The following MAP1LC3A variants were observed in gnomAD, a reference collection of about 807,000 sequenced individuals.
The protein encoded by MAP1LC3A is microtubule-associated protein 1 light chain 3 alpha.
In MAP1LC3A, 10 loss-of-function variants were observed where a neutral mutation model predicts 15.2. That is an observed-to-expected ratio of 0.66 (90% confidence interval 0.41 to 1.12). The LOEUF is 1.12. MAP1LC3A is among the 50% of genes most tolerant of loss of function. MAP1LC3A has a pLI of 0.00. For synonymous variants in MAP1LC3A, 63 were observed against 64.3 expected, an observed-to-expected ratio of 0.98 and a Z score of 0.10; for missense variants, 138 against 167.3, an observed-to-expected ratio of 0.82 and a Z score of 0.97.
chr20:34,559,646 G>A (rs763517284), intron 3 of MAP1LC3A, 90 bp from the exon 4 acceptor site: 9 of 1,420,426 alleles, frequency 6.3e-6, no homozygotes, highest in East Asian at 2.3e-5. Context: ...GAGAATGGGT[G>A]TGAAAGGCTG....
chr20:34,557,029 T>C (rs1365981127), upstream of MAP1LC3A, among the ~76,000 whole-genome samples: 1 of 152,212 alleles, frequency 6.6e-6, no homozygotes, highest in African/African-American at 2.4e-5. Context: ...TGAAGGCCTA[T>C]TTTGTCTGAG....
At chr20:34,549,843 G>C (rs879128477) in intron 1 of MAP1LC3A, 29 of 702,226 alleles carry the variant, frequency 4.1e-5, no homozygotes, top group East Asian at 1.9e-4. Flanking sequence ...CTTCAATCTC[G>C]TCCAGAGTCA....
upstream of MAP1LC3A, chr20:34,558,397 C>T (rs921002423): frequency 2.0e-6 from 2 of 989,966 alleles, no homozygotes; most frequent in Non-Finnish European, 2.4e-6. This position sits in a 1 kb window ranked among gnomAD's most constrained non-coding sequence, Gnocchi z 4.3. Context: ...CCCAGAACCG[C>T]GTCAGTCCTG....
chr20:34,559,519 G>T (rs1982342876), intron 3 of MAP1LC3A, 66 bp downstream of exon 3: 2 of 1,459,556 alleles, frequency 1.4e-6, no homozygotes, highest in Non-Finnish European at 9.5e-7. Flanking sequence ...CCGCCGAGAA[G>T]GGGTGGGAGT....
chr20:34,558,352 C>T, upstream of MAP1LC3A: 1 of 987,210 alleles, frequency 1.0e-6, no homozygotes, highest in Non-Finnish European at 1.2e-6. The surrounding 1 kb of genome is among the most constrained non-coding windows in gnomAD (Gnocchi z 4.3). Flanking sequence ...CCCGTGAAGG[C>T]GCCGGGCCTT....
chr20:34,551,832 C>T (rs1358543026), intron 2 of MAP1LC3A, among the ~76,000 whole-genome samples: 1 of 151,972 alleles, frequency 6.6e-6, no homozygotes, highest in African/African-American at 2.4e-5. Flanking sequence ...CCAAAGAGTA[C>T]ACTTGACACC....
At chr20:34,557,399 C>T (rs75278975), upstream of MAP1LC3A, among the ~76,000 whole-genome samples, 1,230 of 152,072 alleles carry the variant, frequency 8.1e-3, 19 homozygotes, top group African/African-American at 0.028. Flanking sequence ...CCTGACTTTA[C>T]AAAGCCAGAC....
chr20:34,558,762 G>A lies in MAP1LC3A; in HGVS notation c.-107G>A, dbSNP rs997887978. The A allele has an allele frequency of 2.3e-6, 3 of 1,331,416 alleles. No homozygotes were observed. The highest frequency in any genetic ancestry group is 4.2e-5 in the Admixed American group (1 of 23,908). 82.5% of individuals were successfully genotyped at this position (1,331,416 alleles called of 1,614,324 possible). A position where few individuals can be genotyped will look rare whatever the true frequency, so the allele number is the denominator to read the frequency against. Reference sequence around the variant, plus strand: ...GCCGCAGCCGCCGTGCTCAGCGCGAGCCCCGGAGCCCTTGAGCGCGAGGCG... The same window carrying A: ...GCCGCAGCCGCCGTGCTCAGCGCGAACCCCGGAGCCCTTGAGCGCGAGGCG... On this transcript the variant is annotated 5_prime_UTR_variant, in exon 1 of 4. Transcript: ENST00000360668. The surrounding 1 kb of genome is among the most constrained non-coding windows in gnomAD (Gnocchi z 4.3).
upstream of MAP1LC3A, among the ~76,000 whole-genome samples, chr20:34,556,245 T>TG (rs1982153462): frequency 6.6e-6 from 1 of 152,242 alleles, no homozygotes; most frequent in African/African-American, 2.4e-5. Context: ...TCCACACAGC[T>TG]GGAGCTTACG....
At chr20:34,549,741 T>G (rs770492302) in intron 1 of MAP1LC3A, among the ~76,000 whole-genome samples, 3 of 152,196 alleles carry the variant, frequency 2.0e-5, no homozygotes, top group East Asian at 1.9e-4. Context: ...AGGTGGTAAC[T>G]TCCAGGTGTT....
In MAP1LC3A at chr20:34,559,539, G is replaced by A. The variant is rs959642500; in HGVS notation, c.203+86G>A. The A allele has an allele frequency of 8.7e-5, 118 of 1,360,644 alleles. 1 individual carries two copies. Among genetic ancestry groups the A allele is most frequent in the Non-Finnish European group, 1.2e-4 (112 of 969,682 alleles). 84.3% of individuals were successfully genotyped at this position (1,360,644 alleles called of 1,614,324 possible). ...GAGAAGGGGTGGGAGTGGGGTCAGG[G>A]GTGATGGGACCGGGCGGTGGGCCCC... is the stretch of plus-strand genomic sequence containing the variant. On this transcript the variant is annotated intron_variant, in intron 3 of 3. Coordinates refer to ENST00000360668, the MANE Select transcript of MAP1LC3A (RefSeq NM_032514.4).
chr20:34,547,659 G>A (rs192358242), intron 1 of MAP1LC3A, among the ~76,000 whole-genome samples: 19 of 152,126 alleles, frequency 1.2e-4, no homozygotes, highest in Non-Finnish European at 2.4e-4. Context: ...CTCTCCTGTC[G>A]CCTAGCGAAG....
rs1982311454 is a variant in MAP1LC3A, at chr20:34,559,201, T to G, written c.41-7T>G. ...ACCCGGCCTCACGGTCTGGCCGCTGTCCGCAGCCGACCGCTGTAAGGAGGT... is the reference window on the plus strand; with the variant it reads ...ACCCGGCCTCACGGTCTGGCCGCTGGCCGCAGCCGACCGCTGTAAGGAGGT... On this transcript the variant is annotated splice_region_variant and splice_polypyrimidine_tract_variant and intron_variant, in intron 1 of 3. Coordinates refer to ENST00000360668, the MANE Select transcript of MAP1LC3A (RefSeq NM_032514.4). 11 of 1,587,730 alleles carry G rather than the reference T, an allele frequency of 6.9e-6. No homozygotes were observed. The highest frequency in any genetic ancestry group is 9.4e-6 in the Non-Finnish European group (11 of 1,169,304).
chr20:34,551,535 G>A (rs1025508371), intron 2 of MAP1LC3A, among the ~76,000 whole-genome samples: 4 of 138,022 alleles, frequency 2.9e-5, no homozygotes, highest in South Asian at 2.4e-4. Flanking sequence ...GCAGTGGCAC[G>A]ATTTCGGCTC....
At chr20:34,558,431 A>C, upstream of MAP1LC3A, 9 of 992,978 alleles carry the variant, frequency 9.1e-6, no homozygotes, top group East Asian at 1.1e-4. This position sits in a 1 kb window ranked among gnomAD's most constrained non-coding sequence, Gnocchi z 4.3. Context: ...GAGGGCGGGA[A>C]GTGGTGCCGT....
upstream of MAP1LC3A, among the ~76,000 whole-genome samples, chr20:34,555,654 T>TA (rs1271338603): frequency 7.2e-6 from 1 of 139,392 alleles, no homozygotes; most frequent in Non-Finnish European, 1.6e-5. Flanking sequence ...ATAAATCTGA[T>TA]TTTTTTTTTT....
intron 1 of MAP1LC3A, 125 bp from the exon 2 acceptor site, chr20:34,559,083 T>G (rs1050218813): frequency 7.5e-7 from 1 of 1,332,216 alleles, no homozygotes; most frequent in Non-Finnish European, 9.7e-7. Flanking sequence ...CCAGGGGCTG[T>G]GGGGCCTGAT....
At chr20:34,558,564 A>T (rs554924165), upstream of MAP1LC3A, 11 of 1,173,310 alleles carry the variant, frequency 9.4e-6, no homozygotes, top group Middle Eastern at 1.0e-3. The surrounding 1 kb of genome is among the most constrained non-coding windows in gnomAD (Gnocchi z 4.3). Context: ...CGGGACTGTG[A>T]CGCGCCCAGA....
At position 34,558,779 on chromosome 20, in the gene MAP1LC3A, C is replaced by G. The variant is rs1982266151; in HGVS notation, c.-90C>G. On this transcript the variant is annotated 5_prime_UTR_variant, in exon 1 of 4. Coordinates refer to ENST00000360668, the MANE Select transcript of MAP1LC3A (RefSeq NM_032514.4). This position sits in a 1 kb window ranked among gnomAD's most constrained non-coding sequence, Gnocchi z 4.3. Reference sequence around the variant, plus strand: ...CAGCGCGAGCCCCGGAGCCCTTGAGCGCGAGGCGCGGAGCCCCCGGAGCCC... The same window carrying G: ...CAGCGCGAGCCCCGGAGCCCTTGAGGGCGAGGCGCGGAGCCCCCGGAGCCC... The G allele has an allele frequency of 7.4e-7, 1 of 1,349,908 alleles. No homozygotes were observed. The highest frequency in any genetic ancestry group is 9.4e-7 in the Non-Finnish European group (1 of 1,059,938). The allele number at this position is 1,349,908 out of a possible 1,614,324, so 83.6% of individuals were successfully genotyped here.
Sources: allele counts gnomAD v4.1 joint callset (sites outside exome capture counted in the v4.1 genomes callset), GRCh38; gene constraint gnomAD v4.1.1; non-coding constraint Gnocchi (gnomAD v3.1); transcripts MANE v1.5; gene names NCBI Gene and HGNC (gene_info 2026-07-23, HGNC 2026-07-21).